Variants in GCN1 observed in about 807,000 individuals in gnomAD.
GCN1 encodes GCN1 activator of EIF2AK4, also known as stalled ribosome sensor GCN1.
GCN1 carries 90 observed loss-of-function variants against 288.4 expected under a neutral mutation model. The observed-to-expected ratio is 0.31, with a 90% confidence interval of 0.26 to 0.37. GCN1 has a LOEUF of 0.37. GCN1 is among the 10% of genes least tolerant of loss of function. GCN1 has a pLI of 1.00. For synonymous variants in GCN1, 1,386 were observed against 1,420.2 expected, an observed-to-expected ratio of 0.98 and a Z score of 0.54; for missense variants, 2,586 against 3,419.9, an observed-to-expected ratio of 0.76 and a Z score of 6.08.
rs1388461866 is a variant in GCN1, at chr12:120,174,154, C to T, written c.1109G>A (p.Ser370Asn). 1.3e-6 allele frequency: 2 copies of T among 1,593,202 alleles called. No individual in the cohort carries two copies. Among genetic ancestry groups the T allele is most frequent in the Non-Finnish European group, 1.7e-6 (2 of 1,160,934 alleles). Reference sequence around the variant, plus strand: ...GGAAGGTCCAGACACCACGTGATGACTGACGCTCCCAATCCCTAAAAGGCA... The same window carrying T: ...GGAAGGTCCAGACACCACGTGATGATTGACGCTCCCAATCCCTAAAAGGCA... ...MSVLSGIGSV[S>N]HHVVSGPSSQ... The change falls in exon 13 of 58, where the codon AGT becomes AAT. Residue 370 changes from serine to asparagine, a missense_variant. This residue lies in a region of GCN1 where 913 missense variants were observed against 1,107.0 expected (regional missense o/e 0.82). Transcript: ENST00000300648.
chr12:120,153,767 C>A lies in GCN1; in HGVS notation c.3844G>T (p.Ala1282Ser), dbSNP rs747075126. ...VRKCMLDAAL[A>S]TLNTHGKENV... ...ACCTTCCCATGAGTGTTGAGCGTTG[C>A]GAGGGCTGCATCCAACATGCACTTC... is the stretch of plus-strand genomic sequence containing the variant. Residue 1282 changes from alanine to serine, a missense_variant, in exon 32 of 58, where the codon GCA becomes TCA. Ala to Ser is a moderately conservative substitution (Grantham distance 99). Around this residue, in one of 8 missense-constraint regions of GCN1, gnomAD observed 332 missense variants for 403.0 expected, o/e 0.82. Transcript: ENST00000300648. This position sits in a 1 kb window ranked among gnomAD's most constrained non-coding sequence, Gnocchi z 4.4. 6 of 1,614,090 alleles carry A rather than the reference C, an allele frequency of 3.7e-6. No individual in the cohort carries two copies. The highest frequency in any genetic ancestry group is 1.1e-5 in the South Asian group (1 of 91,072).
rs544187108 is a variant in GCN1 at position 120,158,688 on chromosome 12, G to T, written c.2750-73C>A. 1 of 1,280,808 alleles carries T rather than the reference G, an allele frequency of 7.8e-7. No individual in the cohort carries two copies. The highest frequency in any genetic ancestry group is 1.1e-6 in the Non-Finnish European group (1 of 926,304). The allele number at this position is 1,280,808 out of a possible 1,614,324, so 79.3% of individuals were successfully genotyped here. ...GGAATCCAGCCCAGGCTAAAACAGG[G>T]GACCCAGTGCCTCATCCTTCTGACT... On this transcript the variant is annotated intron_variant, in intron 24 of 57. Transcript: ENST00000300648. This position sits in a 1 kb window ranked among gnomAD's most constrained non-coding sequence, Gnocchi z 4.3.
At position 120,144,329 on chromosome 12, in the gene GCN1, G is replaced by A. The variant is rs376904999; in HGVS notation, c.5472C>T (p.Leu1824=). Residue 1824 remains leucine, a synonymous_variant, in exon 42 of 58, where the codon CTC becomes CTT. Coordinates refer to ENST00000300648, the MANE Select transcript of GCN1 (RefSeq NM_006836.2). This position sits in a 1 kb window ranked among gnomAD's most constrained non-coding sequence, Gnocchi z 4.7. The stretch of plus-strand genomic sequence containing the variant: ...ACCTGATTCTCCAAAGGTCATCAAA[G>A]AGGCCTTGCTCTAGCTGGGGCAGCA... ...ALLLPQLEQG[L]FDDLWRIRFS... 9 of 1,614,084 alleles carry A rather than the reference G, an allele frequency of 5.6e-6. No homozygotes were observed. The Admixed American group carries it at 1.2e-4, about 21-fold the overall frequency.
At chr12:120,174,039 G>A (rs2139129532) in intron 13 of GCN1, 32 bp downstream of exon 13, 1 of 1,307,486 alleles carries the variant, frequency 7.6e-7, no homozygotes, top group Admixed American at 1.7e-5. Context: ...GATGAGTACA[G>A]AACGCATGCT....
At chr12:120,178,504 G>A in intron 7 of GCN1, 121 bp downstream of exon 7, 1 of 972,572 alleles carries the variant, frequency 1.0e-6, no homozygotes, top group South Asian at 1.5e-5. Context: ...AAACCAACAA[G>A]TTTCAGATAA....
intron 19 of GCN1, 35 bp downstream of exon 19, chr12:120,163,035 C>A: frequency 6.2e-7 from 1 of 1,613,358 alleles, no homozygotes; most frequent in Non-Finnish European, 8.5e-7. Context: ...TCCCCTAAAG[C>A]TCTGGGCTCT....
At position 120,161,582 on chromosome 12, in the gene GCN1, C is replaced by T; in HGVS notation, c.2344G>A (p.Ala782Thr). Residue 782 changes from alanine to threonine, a missense_variant and splice_region_variant, in exon 22 of 58, where the codon GCC becomes ACC. Physicochemically the swap from Ala to Thr is moderately conservative, Grantham distance 58. This residue lies in a region of GCN1 where 913 missense variants were observed against 1,107.0 expected (regional missense o/e 0.82). Transcript: ENST00000300648. ...GCCTTTTTTATGCTGTCCTGCTGGGCACTGAAACACCAGAGTGGGTCATCA... is the reference window on the plus strand; with the variant it reads ...GCCTTTTTTATGCTGTCCTGCTGGGTACTGAAACACCAGAGTGGGTCATCA... ...ELYDKSIIQS[A>T]QQDSIKKANM... 2 of 1,609,704 alleles carry T rather than the reference C, an allele frequency of 1.2e-6. No homozygotes were observed. The highest frequency in any genetic ancestry group is 1.7e-6 in the Non-Finnish European group (2 of 1,176,082).
chr12:120,146,806 TGAGAGGTCAAAA>T (rs969408841), intron 38 of GCN1, among the ~76,000 whole-genome samples: 1 of 152,092 alleles, frequency 6.6e-6, no homozygotes, highest in Non-Finnish European at 1.5e-5. Flanking sequence ...TCAACACTCT[TGAGAGGTCAAAA>T]GAGAAGACAG....
At chr12:120,171,974 G>T (rs1878327002) in intron 14 of GCN1, among the ~76,000 whole-genome samples, 2 of 151,962 alleles carry the variant, frequency 1.3e-5, no homozygotes, top group Admixed American at 6.6e-5. Context: ...CAATCCCGCT[G>T]CCTCAGCCAC....
At position 120,187,905 on chromosome 12, in the gene GCN1, A is replaced by C. The variant is rs61024345; in HGVS notation, c.121+2393T>G. Reference sequence around the variant, plus strand: ...AAGAAATGAAAAAAAAAAAAAACAAAAAACTAGAATTTATTGAGTGAAGGC... The same window carrying C: ...AAGAAATGAAAAAAAAAAAAAACAACAAACTAGAATTTATTGAGTGAAGGC... On this transcript the variant is annotated intron_variant, in intron 2 of 57. Transcript: ENST00000300648. 6.0e-3 allele frequency among the ~76,000 whole-genome samples: 919 copies of C among 152,156 alleles called. 8 individuals carry two copies. The highest frequency in any genetic ancestry group is 0.021 in the African/African-American group (876 of 41,480).
chr12:120,155,673 T>C lies in GCN1; in HGVS notation c.3359A>G (p.Glu1120Gly). ...CCGCAGAAGGTTCAGGCCATTCTTC[T>C]CATCAGTATCAGGTGCTGGCAATAC... ...HMVLPAPDTD[E>G]KNGLNLLRRL... The change falls in exon 29 of 58, where the codon GAG becomes GGG. Residue 1120 changes from glutamate to glycine, a missense_variant. Physicochemically the swap from Glu to Gly is moderately conservative, Grantham distance 98. This residue lies in a region of GCN1 where 332 missense variants were observed against 403.0 expected (regional missense o/e 0.82). Transcript: ENST00000300648. This position sits in a 1 kb window ranked among gnomAD's most constrained non-coding sequence, Gnocchi z 4.9. 6.2e-7 allele frequency: 1 copy of C among 1,614,008 alleles called. No homozygotes were observed. The highest frequency in any genetic ancestry group is 2.2e-5 in the East Asian group (1 of 44,876).
chr12:120,136,396 G>T, intron 51 of GCN1, 106 bp downstream of exon 51: 1 of 820,150 alleles, frequency 1.2e-6, no homozygotes, highest in Non-Finnish European at 2.0e-6. Context: ...CTGCTATGCG[G>T]CTCTCCACAA....
chr12:120,164,658 C>A lies in GCN1; in HGVS notation c.1676G>T (p.Gly559Val), dbSNP rs541819091. ...LFLDHPHRLT[G>V]NKVQQYHRAL... The stretch of plus-strand genomic sequence containing the variant: ...CAGCCTCACGTACTGAACTTTGTTG[C>A]CAGTGAGTCTATGCGGGTGGTCAAG... The change falls in exon 17 of 58, where the codon GGC becomes GTC. Residue 559 changes from glycine (G) to valine (V), a missense_variant. Gly to Val is a moderately radical substitution (Grantham distance 109). Transcript: ENST00000300648. 1 of 1,613,204 alleles carries A rather than the reference C, an allele frequency of 6.2e-7. No homozygotes were observed. The highest frequency in any genetic ancestry group is 8.5e-7 in the Non-Finnish European group (1 of 1,179,172).
At position 120,142,093 on chromosome 12, in the gene GCN1, G is replaced by A. The variant is rs1877214719; in HGVS notation, c.5829+414C>T. On this transcript the variant is annotated intron_variant, in intron 44 of 57. Transcript: ENST00000300648. The surrounding 1 kb of genome is among the most constrained non-coding windows in gnomAD (Gnocchi z 4.9). ...TGTAATCCCAGCACTTTGGGAGGCC[G>A]AGACGGGCGCATCACGAGGTCAGGA... is the stretch of plus-strand genomic sequence containing the variant. Among the ~76,000 whole-genome samples the A allele has an allele frequency of 2.0e-5, 3 of 152,220 alleles. No homozygotes were observed. In the South Asian group the frequency reaches 6.2e-4, roughly 32 times the overall value.
In GCN1 at chr12:120,163,145, C is replaced by A. The variant is rs1357225099; in HGVS notation, c.1963G>T (p.Gly655Trp). ...GTGTCGGTGACATCACCCTTGAGCCCTGGCACACCGGAGATGACACACAGA... is the reference window on the plus strand; with the variant it reads ...GTGTCGGTGACATCACCCTTGAGCCATGGCACACCGGAGATGACACACAGA... The part of the protein sequence containing the change: ...EALCVISGVP[G>W]LKGDVTDTEQ... The change falls in exon 19 of 58, where the codon GGG becomes TGG. Residue 655 changes from glycine (G) to tryptophan (W), a missense_variant. Gly to Trp is a radical substitution (Grantham distance 184). Around this residue, in one of 8 missense-constraint regions of GCN1, gnomAD observed 913 missense variants for 1,107.0 expected, o/e 0.82. Coordinates refer to ENST00000300648, the MANE Select transcript of GCN1 (RefSeq NM_006836.2). The A allele has an allele frequency of 5.6e-6, 9 of 1,614,112 alleles. No homozygotes were observed. The highest frequency in any genetic ancestry group is 6.8e-6 in the Non-Finnish European group (8 of 1,180,046).
chr12:120,138,406 CCT>C lies in GCN1; in HGVS notation c.6164_6165del (p.Glu2055GlyfsTer17). On this transcript the variant is annotated frameshift_variant, in exon 47 of 58. Transcript: ENST00000300648. LOFTEE classifies it high-confidence loss of function. ...CCATCCAAGGCAAACTCTGACACCT[CCT>C]CGTCATCCTGCAGAGGGTGTTGGGG... ...LPFLLKQLDD[E>X]EVSEFALDGL... is the part of the protein sequence containing the mutation. The C allele has an allele frequency of 1.9e-6, 3 of 1,601,124 alleles. No homozygotes were observed. Among genetic ancestry groups the C allele is most frequent in the Non-Finnish European group, 2.6e-6 (3 of 1,168,112 alleles).
intron 56 of GCN1, among the ~76,000 whole-genome samples, chr12:120,129,895 G>A (rs1321960344): frequency 6.6e-6 from 1 of 152,110 alleles, no homozygotes; most frequent in African/African-American, 2.4e-5. Flanking sequence ...GGGCTCCAGG[G>A]ATCCTGTCTG....
At chr12:120,190,539 G>A (rs747722255) in intron 1 of GCN1, 139 bp from the exon 2 acceptor site, 25 of 618,054 alleles carry the variant, frequency 4.0e-5, no homozygotes, top group South Asian at 1.1e-4. Context: ...ATTTTGCACC[G>A]GGTAATTCTG....
At chr12:120,165,147 C>T (rs1478432869) in intron 16 of GCN1, among the ~76,000 whole-genome samples, 2 of 151,220 alleles carry the variant, frequency 1.3e-5, no homozygotes, top group Non-Finnish European at 2.9e-5. Context: ...CCCAGGTTCA[C>T]ACCATTCTCC....
Sources: allele counts gnomAD v4.1 joint callset (sites outside exome capture counted in the v4.1 genomes callset), GRCh38; gene constraint gnomAD v4.1.1; regional missense constraint gnomAD v4.1.1; non-coding constraint Gnocchi (gnomAD v3.1); transcripts MANE v1.5; gene names NCBI Gene and HGNC (gene_info 2026-07-23, HGNC 2026-07-21).